Variants in KIAA0513 observed in about 807,000 individuals in gnomAD.
The protein encoded by KIAA0513 is uncharacterized protein KIAA0513.
Under a neutral mutation model 56.5 loss-of-function variants are expected in KIAA0513, and 39 were observed. The ratio of observed to expected loss-of-function variants is 0.69; its 90% CI spans 0.53 to 0.90. The LOEUF is 0.90. Among genes scored for constraint, KIAA0513 ranks in the 40% least tolerant of loss-of-function variants. KIAA0513 has a pLI of 0.00. For missense variants in KIAA0513, 591 were observed against 535.2 expected, an observed-to-expected ratio of 1.10 and a Z score of -1.03; for synonymous variants, 268 against 215.6, an observed-to-expected ratio of 1.24 and a Z score of -2.13.
intron 4 of KIAA0513, among the ~76,000 whole-genome samples, chr16:85,073,320 T>A (rs1185211400): frequency 6.6e-6 from 1 of 152,198 alleles, no homozygotes; most frequent in Non-Finnish European, 1.5e-5. Context: ...TCTGGTACTT[T>A]CCCGAGTTCC....
chr16:85,034,031 C>T (rs1261268825), intron 1 of KIAA0513, among the ~76,000 whole-genome samples: 4 of 152,184 alleles, frequency 2.6e-5, no homozygotes, highest in Non-Finnish European at 5.9e-5. Context: ...ATCCTTCCTT[C>T]CTCCAACCTC....
chr16:85,035,779 C>A (rs926084373), intron 1 of KIAA0513, among the ~76,000 whole-genome samples: 2 of 152,034 alleles, frequency 1.3e-5, no homozygotes, highest in Admixed American at 1.3e-4. Flanking sequence ...GAGATCGAGA[C>A]CATCCTGGCT....
chr16:85,036,547 C>T (rs1192136415), intron 1 of KIAA0513, among the ~76,000 whole-genome samples: 3 of 150,010 alleles, frequency 2.0e-5, no homozygotes, highest in Non-Finnish European at 4.5e-5. Context: ...GGAAAGAGTG[C>T]CGGTGCCTTC....
intron 2 of KIAA0513, among the ~76,000 whole-genome samples, chr16:85,069,155 C>T (rs534602882): frequency 5.3e-5 from 8 of 151,922 alleles, no homozygotes; most frequent in South Asian, 2.1e-4. Context: ...CGCAGCCTCC[C>T]GAGTAGCTGG....
intron 11 of KIAA0513, 80 bp downstream of exon 11, chr16:85,086,804 T>C: frequency 7.3e-6 from 9 of 1,235,682 alleles, no homozygotes; most frequent in Non-Finnish European, 1.0e-5. Flanking sequence ...TATCACACCC[T>C]GGGGTGTGAT....
At chr16:85,080,091 C>A (rs973356675) in intron 8 of KIAA0513, among the ~76,000 whole-genome samples, 8 of 152,042 alleles carry the variant, frequency 5.3e-5, no homozygotes, top group Non-Finnish European at 7.4e-5. Context: ...GGAGCGCTGC[C>A]GGGACCCAGA....
At chr16:85,079,923 C>T (rs1273037938) in intron 8 of KIAA0513, among the ~76,000 whole-genome samples, 1 of 152,198 alleles carries the variant, frequency 6.6e-6, no homozygotes, top group Non-Finnish European at 1.5e-5. Flanking sequence ...GGTCGTGCTG[C>T]GTTAATCTCT....
intron 1 of KIAA0513, among the ~76,000 whole-genome samples, chr16:85,052,756 C>G (rs559580869): frequency 6.6e-6 from 1 of 152,118 alleles, no homozygotes; most frequent in Non-Finnish European, 1.5e-5. Context: ...TGCTTTTGTC[C>G]GTGCATCTGA....
Position 85,078,585 on chromosome 16 carries a change from C to T in KIAA0513, c.823+130C>T, listed in dbSNP as rs558804224. On this transcript the variant is annotated intron_variant, in intron 7 of 12. Transcript: ENST00000683363. ...GGGCACCTTGCCCTGGGTGATGCCC[C>T]AGTTGCTTCCCAGCTCCCGTGGTTG... 14 of 825,716 alleles carry T rather than the reference C, an allele frequency of 1.7e-5. No homozygotes were observed. The African/African-American group carries it at 1.7e-4, about 10-fold the overall frequency. The allele number at this position is 825,716 out of a possible 1,614,324, so 51.1% of individuals were successfully genotyped here.
intron 2 of KIAA0513, among the ~76,000 whole-genome samples, chr16:85,069,805 A>C (rs1020854003): frequency 7.9e-5 from 12 of 152,168 alleles, no homozygotes; most frequent in African/African-American, 2.7e-4. Flanking sequence ...ATCAGTAGAC[A>C]GTTCTTACAC....
In KIAA0513 at chr16:85,050,666, C is replaced by A. The variant is rs144711655; in HGVS notation, c.-172-16234C>A. 7.2e-5 allele frequency among the ~76,000 whole-genome samples: 11 copies of A among 152,318 alleles called. 1 individual carries two copies. In the East Asian group the frequency reaches 1.2e-3, roughly 16 times the overall value. On this transcript the variant is annotated intron_variant, in intron 1 of 12. Coordinates refer to ENST00000683363, the MANE Select transcript of KIAA0513 (RefSeq NM_001388359.1). Reference sequence around the variant, plus strand: ...TTTCTTTTCTTCCCTCCCCAATCCCCTGGGGGCTGACTCACCCCTTGTTTT... The same window carrying A: ...TTTCTTTTCTTCCCTCCCCAATCCCATGGGGGCTGACTCACCCCTTGTTTT...
In KIAA0513 at chr16:85,088,414, G is replaced by A; in HGVS notation, c.*89G>A. The stretch of plus-strand genomic sequence containing the variant: ...CGGCCGTCACCCCACCCGATGACCT[G>A]CATGAAGCCAGCAGCACCCAGAGCC... On this transcript the variant is annotated 3_prime_UTR_variant, in exon 13 of 13. Coordinates refer to ENST00000683363, the MANE Select transcript of KIAA0513 (RefSeq NM_001388359.1). 8.6e-7 allele frequency: 1 copy of A among 1,163,538 alleles called. No homozygotes were observed. Among genetic ancestry groups the A allele is most frequent in the Non-Finnish European group, 1.3e-6 (1 of 790,578 alleles). The allele number at this position is 1,163,538 out of a possible 1,614,324, so 72.1% of individuals were successfully genotyped here.
In KIAA0513 at chr16:85,041,892, C is replaced by T. The variant is rs555778788; in HGVS notation, c.-173+14034C>T. On this transcript the variant is annotated intron_variant, in intron 1 of 12. Transcript: ENST00000683363. ...TCACCTTGTCACTTCACTCTCTGGG[C>T]TTCAGTGTCCCGCTCTTGAAACGAT... 1.9e-3 allele frequency among the ~76,000 whole-genome samples: 293 copies of T among 152,300 alleles called. 1 individual carries two copies. Among genetic ancestry groups the T allele is most frequent in the Non-Finnish European group, 3.5e-3 (237 of 68,026 alleles).
intron 2 of KIAA0513, among the ~76,000 whole-genome samples, chr16:85,068,790 T>G (rs1227156155): frequency 2.0e-5 from 3 of 152,142 alleles, no homozygotes; most frequent in South Asian, 2.1e-4. Context: ...TAAACAAGGC[T>G]TTGGAGGGAC....
At chr16:85,059,645 A>G (rs72658736) in intron 1 of KIAA0513, among the ~76,000 whole-genome samples, 12,822 of 152,188 alleles carry the variant, frequency 0.084, 1,745 homozygotes, top group African/African-American at 0.28. Context: ...AGTGGTGTGA[A>G]GTTGTTCTGA....
intron 1 of KIAA0513, among the ~76,000 whole-genome samples, chr16:85,045,068 A>G (rs1022252970): frequency 6.6e-6 from 1 of 152,040 alleles, no homozygotes; most frequent in African/African-American, 2.4e-5. Flanking sequence ...TAGTGAGCTG[A>G]GATTGCACCA....
At chr16:85,074,353 CACACACACACAT>C (rs1370185634) in intron 4 of KIAA0513, among the ~76,000 whole-genome samples, 2 of 138,358 alleles carry the variant, frequency 1.4e-5, no homozygotes, top group African/African-American at 2.7e-5. Flanking sequence ...TACACACACA[CACACACACACAT>C]ATATATTTAG....
At chr16:85,035,978 C>CAA (rs898368153) in intron 1 of KIAA0513, among the ~76,000 whole-genome samples, 15 of 55,094 alleles carry the variant, frequency 2.7e-4, no homozygotes, top group Admixed American at 4.0e-4. Flanking sequence ...GACTCCGTCC[C>CAA]AAAAAAAAAA....
chr16:85,051,200 G>C (rs938036720), intron 1 of KIAA0513, among the ~76,000 whole-genome samples: 4 of 152,120 alleles, frequency 2.6e-5, no homozygotes, highest in African/African-American at 9.7e-5. Context: ...AGTTTTGTGA[G>C]GTCGTCTTCG....
Sources: gnomAD v4.1 joint callset for allele counts (sites outside exome capture counted in the v4.1 genomes callset) on GRCh38, gnomAD v4.1.1 for gene constraint, MANE v1.5 for transcripts, NCBI Gene and HGNC (gene_info 2026-07-23, HGNC 2026-07-21) for gene names.